The following ATOSA variants were observed in gnomAD, a reference collection of about 807,000 sequenced individuals.
The protein encoded by ATOSA is atos homolog A, also known as atos homolog protein A.
chr15:52,599,560 G>A, the ATOSA span, among the ~76,000 whole-genome samples: 1 of 152,174 alleles, frequency 6.6e-6, no homozygotes, highest in African/African-American at 2.4e-5. Context: ...TTACAAGTTC[G>A]TGTTTAAGGT....
the ATOSA span, among the ~76,000 whole-genome samples, chr15:52,626,529 G>GAAA: frequency 0.14 from 19,498 of 141,558 alleles, 1,850 homozygotes; most frequent in Admixed American, 0.22. Context: ...AGGGAAAGCT[G>GAAA]AAAAAAAAAA....
chr15:52,672,202 A>G, the ATOSA span, among the ~76,000 whole-genome samples: 9 of 150,064 alleles, frequency 6.0e-5, no homozygotes, highest in African/African-American at 2.2e-4. Flanking sequence ...AAAGACAATT[A>G]GCCAGGCATA....
chr15:52,651,987 C>T, the ATOSA span: 1 of 1,530,060 alleles, frequency 6.5e-7, no homozygotes, highest in Non-Finnish European at 8.7e-7. Flanking sequence ...CAGATGTCTG[C>T]AGCGGTTAAA....
the ATOSA span, chr15:52,608,967 T>C: frequency 6.2e-7 from 1 of 1,611,694 alleles, no homozygotes; most frequent in South Asian, 1.1e-5. Flanking sequence ...TACAAATCTG[T>C]TTGTCAATAG....
the ATOSA span, among the ~76,000 whole-genome samples, chr15:52,591,199 G>A: frequency 8.6e-5 from 13 of 152,034 alleles, no homozygotes; most frequent in Non-Finnish European, 1.8e-4. Flanking sequence ...TGGCCAACAG[G>A]GACTCTGTTC....
the ATOSA span, among the ~76,000 whole-genome samples, chr15:52,664,858 A>G: frequency 6.6e-6 from 1 of 151,640 alleles, no homozygotes; most frequent in Non-Finnish European, 1.5e-5. Flanking sequence ...GGATTACTTG[A>G]GCCCAGGAGT....
At chr15:52,611,912 G>T in the ATOSA span, 1 of 764,470 alleles carries the variant, frequency 1.3e-6, no homozygotes, top group Non-Finnish European at 2.1e-6. Context: ...CTCAGAATTG[G>T]CTATCTAGGT....
the ATOSA span, among the ~76,000 whole-genome samples, chr15:52,639,035 A>G: frequency 6.6e-6 from 1 of 151,796 alleles, no homozygotes; most frequent in South Asian, 2.1e-4. Flanking sequence ...ACTTCAAGCA[A>G]AAAAAAGAAA....
chr15:52,687,234 T>C, the ATOSA span, among the ~76,000 whole-genome samples: 1 of 152,050 alleles, frequency 6.6e-6, no homozygotes, highest in Non-Finnish European at 1.5e-5. Context: ...TGAAACCCCA[T>C]CTCCACTACA....
chr15:52,694,241 A>C, the ATOSA span, among the ~76,000 whole-genome samples: 1 of 151,198 alleles, frequency 6.6e-6, no homozygotes, highest in Non-Finnish European at 1.5e-5. Context: ...ATCTCAGCTC[A>C]CCGCAACCTC....
the ATOSA span, among the ~76,000 whole-genome samples, chr15:52,654,556 AACAAACCTCCTTC>A: frequency 1.3e-5 from 2 of 152,122 alleles, no homozygotes; most frequent in Non-Finnish European, 2.9e-5. Context: ...CCCCAATCAC[AACAAACCTCCTTC>A]CCCTGCTCCT....
chr15:52,669,051 G>C, the ATOSA span, among the ~76,000 whole-genome samples: 1 of 151,914 alleles, frequency 6.6e-6, no homozygotes, highest in South Asian at 2.1e-4. Context: ...TAGAGTAGCT[G>C]AGATTACAGG....
chr15:52,679,145 GCCAT>G, the ATOSA span: 1 of 153,186 alleles, frequency 6.5e-6, no homozygotes, highest in Non-Finnish European at 1.4e-5. Context: ...CGCCCCTGTG[GCCAT>G]CCACCCGCGC....
chr15:52,697,135 A>G, the ATOSA span, among the ~76,000 whole-genome samples: 9 of 152,164 alleles, frequency 5.9e-5, no homozygotes, highest in South Asian at 4.2e-4. Flanking sequence ...TCTTTCTCCT[A>G]TCCTATGTTC....
the ATOSA span, among the ~76,000 whole-genome samples, chr15:52,589,036 AG>A: frequency 1.3e-5 from 2 of 152,372 alleles, no homozygotes; most frequent in Admixed American, 1.3e-4. Context: ...ATTTACTCCA[AG>A]TGAACAACAC....
chr15:52,603,461 G>T, the ATOSA span, among the ~76,000 whole-genome samples: 1 of 152,016 alleles, frequency 6.6e-6, no homozygotes, highest in African/African-American at 2.4e-5. Flanking sequence ...ATATGACCCA[G>T]CAATCCCACT....
the ATOSA span, chr15:52,608,444 C>T: frequency 1.1e-6 from 1 of 896,354 alleles, no homozygotes; most frequent in South Asian, 2.3e-5. Context: ...GTTTATTATT[C>T]TATCAGACTG....
the ATOSA span, among the ~76,000 whole-genome samples, chr15:52,588,693 C>A: frequency 6.6e-6 from 1 of 152,154 alleles, no homozygotes; most frequent in South Asian, 2.1e-4. Flanking sequence ...CTCAGGTGAT[C>A]CACCCGCCTC....
At chr15:52,638,377 G>A in the ATOSA span, among the ~76,000 whole-genome samples, 2 of 151,990 alleles carry the variant, frequency 1.3e-5, no homozygotes, top group East Asian at 1.9e-4. Flanking sequence ...GAACCCTAAC[G>A]TAAACTACGG....
Sources: gnomAD v4.1 joint callset for allele counts (sites outside exome capture counted in the v4.1 genomes callset) on GRCh38, gnomAD v4.1.1 for gene constraint, MANE v1.5 for transcripts, NCBI Gene and HGNC (gene_info 2026-07-23, HGNC 2026-07-21) for gene names.